TTC1: variants seen among roughly 807,000 people sequenced by gnomAD.
TTC1 encodes tetratricopeptide repeat domain 1.
In TTC1, 31 loss-of-function variants were observed where a neutral mutation model predicts 37.6. That is an observed-to-expected ratio of 0.82 (90% CI 0.62 to 1.11). The LOEUF (loss-of-function observed/expected upper bound fraction) is 1.11, where lower values mean the gene tolerates loss of function less well. Ranked by LOEUF, TTC1 falls within the 50% of genes most tolerant of loss-of-function variation. The pLI is 0.00. For synonymous variants in TTC1, 127 were observed against 122.4 expected, an observed-to-expected ratio of 1.04 and a Z score of -0.25; for missense variants, 351 against 339.0, an observed-to-expected ratio of 1.04 and a Z score of -0.28.
chr5:160,028,312 A>AT (rs1756846220), intron 2 of TTC1, among the ~76,000 whole-genome samples: 1 of 151,786 alleles, frequency 6.6e-6, no homozygotes, highest in Non-Finnish European at 1.5e-5. Flanking sequence ...AAAAAAAAAA[A>AT]AAAAAGTTAT....
intron 7 of TTC1, among the ~76,000 whole-genome samples, chr5:160,052,174 A>C (rs1456969280): frequency 6.6e-6 from 1 of 152,208 alleles, no homozygotes; most frequent in Non-Finnish European, 1.5e-5. Context: ...TTTCCAAAAA[A>C]GGGAGGGGGA....
rs369991528 is a variant in TTC1 at position 160,054,075 on chromosome 5, T to TTTTG, written c.745+2913_745+2916dup. ...AGCAGCTGGAGTGGGGGTTGGTTGT[T>TTTTG]TTTGTTTGTTTGTTTGTTTGTTTGG... is the stretch of plus-strand genomic sequence containing the variant. On this transcript the variant is annotated intron_variant, in intron 7 of 7. Transcript: ENST00000231238. Among the ~76,000 whole-genome samples the TTTTG allele has an allele frequency of 6.9e-3, 1,053 of 152,026 alleles. 17 individuals are homozygous for TTTTG. Among genetic ancestry groups the TTTTG allele is most frequent in the African/African-American group, 0.024 (976 of 41,442 alleles).
At chr5:160,037,679 C>T (rs1581102924) in intron 4 of TTC1, among the ~76,000 whole-genome samples, 1 of 151,786 alleles carries the variant, frequency 6.6e-6, no homozygotes, top group Non-Finnish European at 1.5e-5. Flanking sequence ...CTGGCCTGGG[C>T]GACAAGAGCA....
chr5:160,047,407 A>G (rs1476286239), intron 5 of TTC1, among the ~76,000 whole-genome samples: 1 of 152,162 alleles, frequency 6.6e-6, no homozygotes, highest in Non-Finnish European at 1.5e-5. Flanking sequence ...CATGGGCTCA[A>G]ATTTAAAGAC....
At chr5:160,012,105 T>C (rs1756513334) in intron 2 of TTC1, among the ~76,000 whole-genome samples, 2 of 152,328 alleles carry the variant, frequency 1.3e-5, no homozygotes, top group African/African-American at 4.8e-5. Context: ...AATTAACTAC[T>C]GTTCCATAAC....
intron 4 of TTC1, among the ~76,000 whole-genome samples, chr5:160,039,790 C>T (rs561384721): frequency 1.8e-4 from 27 of 152,244 alleles, no homozygotes; most frequent in African/African-American, 6.0e-4. Context: ...TAAAGTTATA[C>T]AGATTACTTA....
intron 7 of TTC1, among the ~76,000 whole-genome samples, chr5:160,055,626 G>T (rs1219558089): frequency 6.6e-6 from 1 of 152,222 alleles, no homozygotes; most frequent in East Asian, 1.9e-4. Flanking sequence ...TTAAGATGGA[G>T]CTCAGCAATC....
At chr5:160,046,962 A>C (rs1757267316) in intron 5 of TTC1, among the ~76,000 whole-genome samples, 1 of 152,194 alleles carries the variant, frequency 6.6e-6, no homozygotes, top group South Asian at 2.1e-4. Context: ...CAGTGAGCCG[A>C]GATCACGCCA....
chr5:160,033,803 T>C (rs1756957937), intron 2 of TTC1, among the ~76,000 whole-genome samples: 1 of 152,240 alleles, frequency 6.6e-6, no homozygotes, highest in Non-Finnish European at 1.5e-5. Context: ...ACAGATCATA[T>C]CAGTTCCTCA....
intron 2 of TTC1, among the ~76,000 whole-genome samples, chr5:160,015,683 A>G (rs1477775670): frequency 6.6e-6 from 1 of 152,136 alleles, no homozygotes; most frequent in African/African-American, 2.4e-5. Flanking sequence ...CTTTGTAATA[A>G]ACTACTAAGT....
chr5:160,061,185 C>T (rs1437072168), intron 7 of TTC1, among the ~76,000 whole-genome samples: 1 of 152,220 alleles, frequency 6.6e-6, no homozygotes, highest in African/African-American at 2.4e-5. Flanking sequence ...TTGGCTCACG[C>T]TGTTTGGGCT....
At chr5:160,053,244 G>A (rs2113402324) in intron 7 of TTC1, among the ~76,000 whole-genome samples, 1 of 152,300 alleles carries the variant, frequency 6.6e-6, no homozygotes, top group African/African-American at 2.4e-5. Flanking sequence ...CTTTATGCTA[G>A]TTCCTGTTAA....
chr5:160,022,453 A>G (rs536785215), intron 2 of TTC1, among the ~76,000 whole-genome samples: 16 of 152,326 alleles, frequency 1.1e-4, no homozygotes, highest in African/African-American at 2.9e-4. Context: ...ATTATATTCA[A>G]GCTACTTCTA....
At chr5:160,013,876 C>T (rs1230789463) in intron 2 of TTC1, among the ~76,000 whole-genome samples, 1 of 152,048 alleles carries the variant, frequency 6.6e-6, no homozygotes, top group Non-Finnish European at 1.5e-5. Flanking sequence ...TATGTCACTT[C>T]ATGGGATGCA....
intron 7 of TTC1, among the ~76,000 whole-genome samples, chr5:160,064,561 G>A (rs569705199): frequency 1.3e-5 from 2 of 152,346 alleles, no homozygotes; most frequent in South Asian, 4.1e-4. Context: ...GACCTGGCTT[G>A]GCAGGGTGCC....
At chr5:160,035,795 AT>A (rs1561631049) in intron 3 of TTC1, among the ~76,000 whole-genome samples, 1 of 152,128 alleles carries the variant, frequency 6.6e-6, no homozygotes, top group Non-Finnish European at 1.5e-5. Flanking sequence ...TGGGGTAACT[AT>A]TTGATCTTAG....
At position 160,065,072 on chromosome 5, in the gene TTC1, T is replaced by C; in HGVS notation, c.*7T>C. Reference sequence around the variant, plus strand: ...TCCAAATAATAACAGATAACAAAGATAACAAAAGCTTTACAAGCTGACTTG... The same window carrying C: ...TCCAAATAATAACAGATAACAAAGACAACAAAAGCTTTACAAGCTGACTTG... On this transcript the variant is annotated 3_prime_UTR_variant, in exon 8 of 8. Coordinates refer to ENST00000231238, the MANE Select transcript of TTC1 (RefSeq NM_003314.3). The C allele has an allele frequency of 6.2e-7, 1 of 1,607,200 alleles. No homozygotes were observed. The highest frequency in any genetic ancestry group is 8.5e-7 in the Non-Finnish European group (1 of 1,178,578).
intron 2 of TTC1, among the ~76,000 whole-genome samples, chr5:160,034,499 A>G (rs974489941): frequency 6.6e-6 from 1 of 152,120 alleles, no homozygotes; most frequent in Non-Finnish European, 1.5e-5. Context: ...TGTACCCACA[A>G]ATGTGCTCTC....
intron 2 of TTC1, among the ~76,000 whole-genome samples, chr5:160,027,128 C>T (rs545950711): frequency 6.6e-6 from 1 of 151,772 alleles, no homozygotes; most frequent in African/African-American, 2.4e-5. Flanking sequence ...TCCCTGGGCT[C>T]AGGTGATCCT....
Sources: gnomAD v4.1 joint callset for allele counts (sites outside exome capture counted in the v4.1 genomes callset) on GRCh38, gnomAD v4.1.1 for gene constraint, MANE v1.5 for transcripts, NCBI Gene and HGNC (gene_info 2026-07-23, HGNC 2026-07-21) for gene names.